Variants in UNC5C observed in about 807,000 individuals in gnomAD.
UNC5C encodes the protein unc-5 netrin receptor C, also known as netrin receptor UNC5C.
A neutral mutation model predicts 99.8 loss-of-function variants in UNC5C; 47 were observed. That is an observed-to-expected ratio of 0.47 (90% CI 0.37 to 0.60). The LOEUF is 0.60. UNC5C is among the 20% of genes least tolerant of loss of function. The pLI, the probability that UNC5C is intolerant of heterozygous loss-of-function variation, is 0.00. For synonymous variants in UNC5C, 487 were observed against 452.2 expected, an observed-to-expected ratio of 1.08 and a Z score of -0.98; for missense variants, 1,062 against 1,165.9, an observed-to-expected ratio of 0.91 and a Z score of 1.30.
intron 1 of UNC5C, among the ~76,000 whole-genome samples, chr4:95,397,937 C>T (rs1365580248): frequency 2.0e-5 from 3 of 152,032 alleles, no homozygotes; most frequent in Admixed American, 6.5e-5. Context: ...TGCATTCTGC[C>T]CCATCTTCAT....
At chr4:95,332,301 C>T (rs891655757) in intron 2 of UNC5C, among the ~76,000 whole-genome samples, 15 of 150,046 alleles carry the variant, frequency 1.0e-4, no homozygotes, top group Admixed American at 2.7e-4. Context: ...GGAGGCATCA[C>T]ACTACCTGAC....
At chr4:95,439,392 T>TTG (rs1443677626) in intron 1 of UNC5C, among the ~76,000 whole-genome samples, 1 of 151,748 alleles carries the variant, frequency 6.6e-6, no homozygotes, top group African/African-American at 2.4e-5. Flanking sequence ...GGTTTTTTTT[T>TTG]TTTTGTTTCC....
intron 1 of UNC5C, among the ~76,000 whole-genome samples, chr4:95,490,992 C>T (rs1721469853): frequency 6.6e-6 from 1 of 151,514 alleles, no homozygotes; most frequent in Admixed American, 6.6e-5. Flanking sequence ...AGTGTAATGC[C>T]TTGCACATGG....
chr4:95,289,716 C>A (rs1300643099), intron 3 of UNC5C, among the ~76,000 whole-genome samples: 1 of 152,116 alleles, frequency 6.6e-6, no homozygotes, highest in Non-Finnish European at 1.5e-5. Context: ...GTTGTCATAG[C>A]AGACTAGAAT....
rs1177721365 is a variant in UNC5C, at chr4:95,365,210, C to A, written c.125-29579G>T. Among the ~76,000 whole-genome samples, 3 of 148,994 alleles carry A rather than the reference C, an allele frequency of 2.0e-5. No homozygotes were observed. In the East Asian group the frequency reaches 5.9e-4, roughly 29 times the overall value. On this transcript the variant is annotated intron_variant, in intron 1 of 15. Transcript: ENST00000453304. ...ACTCAGGAGGCTGAGGCAAGAGAATCTCTTGAACCTGGGAGGTGGAGGTTG... is the reference window on the plus strand; with the variant it reads ...ACTCAGGAGGCTGAGGCAAGAGAATATCTTGAACCTGGGAGGTGGAGGTTG...
rs2149379633 is a variant in UNC5C, at chr4:95,245,077, C to T, written c.843G>A (p.Gln281=). 2 of 1,614,154 alleles carry T rather than the reference C, an allele frequency of 1.2e-6. No individual in the cohort carries two copies. The highest frequency in any genetic ancestry group is 1.7e-6 in the Non-Finnish European group (2 of 1,180,026). The change falls in exon 6 of 16, where the codon CAG becomes CAA. Residue 281 remains glutamine (Q), a synonymous_variant. Coordinates refer to ENST00000453304, the MANE Select transcript of UNC5C (RefSeq NM_003728.4). ...GGTTGGTACAAGTCCTTGTACGTTT[C>T]TGATACCCTCGTCCACAGCGGCTGT... The part of the protein sequence containing the change: ...VCNSRCGRGY[Q]KRTRTCTNPA...
intron 1 of UNC5C, among the ~76,000 whole-genome samples, chr4:95,516,585 G>C (rs544923466): frequency 2.6e-5 from 4 of 152,126 alleles, no homozygotes; most frequent in South Asian, 2.1e-4. Context: ...AGTGGCAGTC[G>C]GCCGCCCTCT....
chr4:95,411,925 C>T (rs1746004166), intron 1 of UNC5C, among the ~76,000 whole-genome samples: 1 of 151,912 alleles, frequency 6.6e-6, no homozygotes, highest in African/African-American at 2.4e-5. Context: ...TCCTAAGTGG[C>T]CTTCCCTGGC....
chr4:95,498,401 C>A (rs1468186556), intron 1 of UNC5C, among the ~76,000 whole-genome samples: 1 of 151,924 alleles, frequency 6.6e-6, no homozygotes, highest in Non-Finnish European at 1.5e-5. Context: ...GCAAGAGTAG[C>A]TGTACTTAAA....
At chr4:95,261,984 T>C (rs1740254271) in intron 4 of UNC5C, among the ~76,000 whole-genome samples, 1 of 152,178 alleles carries the variant, frequency 6.6e-6, no homozygotes, top group Non-Finnish European at 1.5e-5. Flanking sequence ...TTACAGGCAT[T>C]AGCCACTGCG....
chr4:95,406,373 T>C, intron 1 of UNC5C, among the ~76,000 whole-genome samples: 1 of 152,208 alleles, frequency 6.6e-6, no homozygotes, highest in South Asian at 2.1e-4. Flanking sequence ...AGCATGGGCT[T>C]CCTGGAGATG....
Position 95,219,218 on chromosome 4 carries a change from T to G in UNC5C, c.1396A>C (p.Thr466Pro), listed in dbSNP as rs571344977. ...LHDVSDKIPM[T>P]NSPILDPLPN... ...AGTGGATCCAGAATTGGAGAGTTGG[T>G]CATTGGGATTTTGTCTGAGACGTCA... Residue 466 changes from threonine (T) to proline (P), a missense_variant, in exon 9 of 16, where the codon ACC (threonine) becomes CCC (proline). Coordinates refer to ENST00000453304, the MANE Select transcript of UNC5C (RefSeq NM_003728.4). 1.2e-6 allele frequency: 2 copies of G among 1,614,170 alleles called. No individual in the cohort carries two copies. The highest frequency in any genetic ancestry group is 1.7e-5 in the Admixed American group (1 of 60,002).
chr4:95,340,781 C>A lies in UNC5C; in HGVS notation c.125-5150G>T, dbSNP rs75385524. On this transcript the variant is annotated intron_variant, in intron 1 of 15. Transcript: ENST00000453304. The stretch of plus-strand genomic sequence containing the variant: ...TGAAAAGGGGGCACCATTTTCTGCC[C>A]GCTTAAGCCTTCATGAACTCTGACT... Among the ~76,000 whole-genome samples the A allele has an allele frequency of 4.1e-3, 629 of 152,140 alleles. 3 individuals are homozygous for A. Among genetic ancestry groups the A allele is most frequent in the Non-Finnish European group, 5.6e-3 (379 of 67,972 alleles).
rs545870278 is a variant in UNC5C, at chr4:95,517,833, G to C, written c.124+30901C>G. Among the ~76,000 whole-genome samples, 10 of 152,158 alleles carry C rather than the reference G, an allele frequency of 6.6e-5. 1 individual carries two copies. The South Asian group carries it at 1.9e-3, about 28-fold the overall frequency. On this transcript the variant is annotated intron_variant, in intron 1 of 15. Coordinates refer to ENST00000453304, the MANE Select transcript of UNC5C (RefSeq NM_003728.4). Reference sequence around the variant, plus strand: ...GCATTTTAGCACTGTTTCTAAACACGCTGTAAATTATGTTAAGTAACTCAT... The same window carrying C: ...GCATTTTAGCACTGTTTCTAAACACCCTGTAAATTATGTTAAGTAACTCAT...
At chr4:95,216,274 AGATTTTGTG>A (rs1230924655) in intron 9 of UNC5C, 63 bp from the exon 10 acceptor site, 5 of 1,326,794 alleles carry the variant, frequency 3.8e-6, no homozygotes, top group African/African-American at 2.9e-5. Context: ...GGGAATGAGG[AGATTTTGTG>A]ACCGCGCAGC....
intron 10 of UNC5C, among the ~76,000 whole-genome samples, chr4:95,207,579 A>C (rs17023231): frequency 0.062 from 9,412 of 152,244 alleles, 486 homozygotes; most frequent in African/African-American, 0.15. Flanking sequence ...GATTGCCCCA[A>C]GTCTCACAAC....
intron 3 of UNC5C, among the ~76,000 whole-genome samples, chr4:95,282,735 T>A (rs556223633): frequency 1.3e-5 from 2 of 152,308 alleles, no homozygotes; most frequent in South Asian, 4.1e-4. Context: ...CATTCCTTCC[T>A]TCATCTGGGT....
intron 3 of UNC5C, among the ~76,000 whole-genome samples, chr4:95,294,806 C>T (rs1741613930): frequency 6.6e-6 from 1 of 152,118 alleles, no homozygotes; most frequent in Non-Finnish European, 1.5e-5. Context: ...TTATGAACAC[C>T]TATTATCATT....
chr4:95,527,620 A>G (rs1410140778), intron 1 of UNC5C, among the ~76,000 whole-genome samples: 1 of 152,066 alleles, frequency 6.6e-6, no homozygotes, highest in African/African-American at 2.4e-5. Context: ...TGCTTTTGTA[A>G]TTACTATTTT....
Sources: allele counts gnomAD v4.1 joint callset (sites outside exome capture counted in the v4.1 genomes callset), GRCh38; gene constraint gnomAD v4.1.1; transcripts MANE v1.5; gene names NCBI Gene and HGNC (gene_info 2026-07-23, HGNC 2026-07-21).